Variants in SYT16 observed in about 807,000 individuals in gnomAD.
SYT16 encodes the protein synaptotagmin-16.
A neutral mutation model predicts 61.4 loss-of-function variants in SYT16; 42 were observed. The observed-to-expected ratio is 0.68, with a 90% CI of 0.53 to 0.89. The LOEUF is 0.89. SYT16 is among the 40% of genes least tolerant of loss of function. The probability of loss-of-function intolerance (pLI) is 0.00; values close to 1 mark genes in which losing one functional copy is unlikely to be tolerated. For synonymous variants in SYT16, 314 were observed against 302.3 expected (o/e 1.04, Z -0.40); for missense variants, 804 against 807.3 (o/e 1.00, Z 0.05).
intron 1 of SYT16, among the ~76,000 whole-genome samples, chr14:61,833,868 G>C (rs2140239771): frequency 6.6e-6 from 1 of 151,750 alleles, no homozygotes; most frequent in Middle Eastern, 3.4e-3. Context: ...CCTGCAGGGA[G>C]TTGGAGGTGG....
At chr14:61,831,281 C>G (rs1370252610) in intron 1 of SYT16, among the ~76,000 whole-genome samples, 1 of 152,178 alleles carries the variant, frequency 6.6e-6, no homozygotes, top group African/African-American at 2.4e-5. Flanking sequence ...GTTTTTTGTA[C>G]TTATTCCATC....
chr14:62,090,509 A>G (rs1335882794), intron 7 of SYT16, among the ~76,000 whole-genome samples: 1 of 152,202 alleles, frequency 6.6e-6, no homozygotes, highest in Non-Finnish European at 1.5e-5. Flanking sequence ...TATGAGACAT[A>G]TGACCTTCTT....
At chr14:61,971,760 G>T (rs545540645) in intron 2 of SYT16, among the ~76,000 whole-genome samples, 2 of 152,328 alleles carry the variant, frequency 1.3e-5, no homozygotes, top group African/African-American at 4.8e-5. Context: ...AATTGCTTTG[G>T]CATTCCTGCT....
chr14:62,019,101 A>G (rs761333084), intron 3 of SYT16, among the ~76,000 whole-genome samples: 7 of 152,234 alleles, frequency 4.6e-5, no homozygotes, highest in African/African-American at 1.4e-4. Flanking sequence ...ATTATAAGCT[A>G]TTGACATGTA....
chr14:61,830,154 G>A (rs1266408564), intron 1 of SYT16, among the ~76,000 whole-genome samples: 1 of 152,102 alleles, frequency 6.6e-6, no homozygotes, highest in East Asian at 1.9e-4. Flanking sequence ...ATAATTTCTT[G>A]GAGCATTTTT....
At position 62,105,114 on chromosome 14, in the gene SYT16, G is replaced by T. The variant is rs1249968648; in HGVS notation, c.*4407G>T. On this transcript the variant is annotated 3_prime_UTR_variant, in exon 8 of 8. Coordinates refer to ENST00000683842, the MANE Select transcript of SYT16 (RefSeq NM_001367656.1). Reference sequence around the variant, plus strand: ...TAATCAGAGATAAGCCTGGTATGTGGAGGAAATTGAGCCTTAATAGAGTCC... The same window carrying T: ...TAATCAGAGATAAGCCTGGTATGTGTAGGAAATTGAGCCTTAATAGAGTCC... 2.0e-5 allele frequency: 3 copies of T among 152,194 alleles called. No homozygotes were observed. The highest frequency in any genetic ancestry group is 4.4e-5 in the Non-Finnish European group (3 of 68,028). 9.4% of individuals were successfully genotyped at this position (152,194 alleles called of 1,614,324 possible).
At chr14:62,004,312 A>G (rs1251840139) in intron 3 of SYT16, among the ~76,000 whole-genome samples, 2 of 152,114 alleles carry the variant, frequency 1.3e-5, no homozygotes, top group Non-Finnish European at 2.9e-5. Context: ...AAACCCTCAG[A>G]TCTCATGAGT....
intron 3 of SYT16, among the ~76,000 whole-genome samples, chr14:62,014,442 A>G (rs1241937595): frequency 6.6e-6 from 1 of 151,578 alleles, no homozygotes; most frequent in Non-Finnish European, 1.5e-5. Flanking sequence ...CTTAATTCAG[A>G]TATGCATCCT....
intron 1 of SYT16, among the ~76,000 whole-genome samples, chr14:61,906,364 C>T (rs1336776223): frequency 6.6e-6 from 1 of 152,148 alleles, no homozygotes; most frequent in Non-Finnish European, 1.5e-5. Context: ...CTTGCTGTAG[C>T]CTCGAATGCC....
intron 3 of SYT16, among the ~76,000 whole-genome samples, chr14:62,067,469 G>A (rs2056108989): frequency 6.6e-6 from 1 of 152,118 alleles, no homozygotes; most frequent in African/African-American, 2.4e-5. Context: ...GAGCTCAACA[G>A]GAGGAACAAT....
chr14:61,950,605 A>G (rs899050142), intron 1 of SYT16, among the ~76,000 whole-genome samples: 1 of 152,104 alleles, frequency 6.6e-6, no homozygotes, highest in African/African-American at 2.4e-5. Context: ...GCTGAATCCT[A>G]TTGCTGTTCA....
At chr14:62,058,340 C>CTTTTTTT (rs796187620) in intron 3 of SYT16, among the ~76,000 whole-genome samples, 1 of 109,028 alleles carries the variant, frequency 9.2e-6, no homozygotes, top group Non-Finnish European at 1.9e-5. Context: ...TGTTTAAATT[C>CTTTTTTT]TTTTTTTTTT....
chr14:62,091,863 T>C (rs1224985979), intron 7 of SYT16, among the ~76,000 whole-genome samples: 1 of 152,130 alleles, frequency 6.6e-6, no homozygotes, highest in East Asian at 1.9e-4. Flanking sequence ...CTGGACTTCA[T>C]GTAAGTTCAA....
intron 3 of SYT16, among the ~76,000 whole-genome samples, chr14:62,009,457 T>C (rs1310313395): frequency 2.0e-5 from 3 of 152,196 alleles, no homozygotes; most frequent in Non-Finnish European, 2.9e-5. Context: ...ATTTTTGGCT[T>C]TTCTAAGAAT....
intron 1 of SYT16, among the ~76,000 whole-genome samples, chr14:61,954,000 C>T (rs1336520615): frequency 6.6e-6 from 1 of 152,118 alleles, no homozygotes; most frequent in Non-Finnish European, 1.5e-5. Context: ...ATGAGTGAAA[C>T]TGAGGTTATT....
chr14:61,937,610 G>A (rs1253811775), intron 1 of SYT16, among the ~76,000 whole-genome samples: 1 of 152,212 alleles, frequency 6.6e-6, no homozygotes, highest in African/African-American at 2.4e-5. Flanking sequence ...GGATGGGCAG[G>A]AAGCCCCACT....
chr14:61,884,303 AAACAT>A (rs1276277521), intron 1 of SYT16, among the ~76,000 whole-genome samples: 1 of 152,236 alleles, frequency 6.6e-6, no homozygotes, highest in African/African-American at 2.4e-5. Flanking sequence ...AGTCTTGTAA[AAACAT>A]AAAAAAGAAA....
chr14:61,912,460 T>C (rs1015702794), intron 1 of SYT16, among the ~76,000 whole-genome samples: 5 of 152,356 alleles, frequency 3.3e-5, no homozygotes, highest in South Asian at 2.1e-4. Flanking sequence ...CTCTGAATTA[T>C]TGAGCTAAGG....
chr14:61,913,242 G>T lies in SYT16; in HGVS notation c.-324-56890G>T, dbSNP rs536410354. Among the ~76,000 whole-genome samples the T allele has an allele frequency of 2.6e-5, 4 of 152,216 alleles. No individual in the cohort carries two copies. The South Asian group carries it at 8.3e-4, about 32-fold the overall frequency. ...GGGATTTTGTCCAGCATGTGACCGTGTCCCCAGAGCTGTAGTGCCCAGAAC... is the reference window on the plus strand; with the variant it reads ...GGGATTTTGTCCAGCATGTGACCGTTTCCCCAGAGCTGTAGTGCCCAGAAC... On this transcript the variant is annotated intron_variant, in intron 1 of 7. Coordinates refer to ENST00000683842, the MANE Select transcript of SYT16 (RefSeq NM_001367656.1).
Sources: allele counts gnomAD v4.1 joint callset (sites outside exome capture counted in the v4.1 genomes callset), GRCh38; gene constraint gnomAD v4.1.1; transcripts MANE v1.5; gene names NCBI Gene and HGNC (gene_info 2026-07-23, HGNC 2026-07-21).